The following RSU1 variants were observed in gnomAD, a reference collection of about 807,000 sequenced individuals.
RSU1 encodes the protein Ras suppressor protein 1.
Under a neutral mutation model 31.1 loss-of-function variants are expected in RSU1, and 26 were observed. That is an observed-to-expected ratio of 0.84 (90% CI 0.61 to 1.16). The LOEUF (loss-of-function observed/expected upper bound fraction) is 1.16, where lower values mean the gene tolerates loss of function less well. RSU1 is among the 50% of genes most tolerant of loss of function. RSU1 has a pLI of 0.00. For missense variants in RSU1, 320 were observed against 339.1 expected, an observed-to-expected ratio of 0.94 and a Z score of 0.44; for synonymous variants, 164 against 136.3, an observed-to-expected ratio of 1.20 and a Z score of -1.41.
rs181641682 is a variant in RSU1, at chr10:16,795,409, G to A, written c.110-13325C>T. ...AATAAGGTAATAACAAACAACAATA[G>A]CTAATGCTTACCAAATGCTTAAAAC... is the stretch of plus-strand genomic sequence containing the variant. On this transcript the variant is annotated intron_variant, in intron 2 of 8. Transcript: ENST00000345264. Among the ~76,000 whole-genome samples, 337 of 146,316 alleles carry A rather than the reference G, an allele frequency of 2.3e-3. 1 individual carries two copies. Among genetic ancestry groups the A allele is most frequent in the Non-Finnish European group, 3.4e-3 (227 of 66,154 alleles).
chr10:16,612,413 G>A (rs933890709), intron 8 of RSU1, among the ~76,000 whole-genome samples: 19 of 152,164 alleles, frequency 1.2e-4, no homozygotes, highest in African/African-American at 4.1e-4. Context: ...CCAAGATTCT[G>A]CCTGGAGGAA....
At chr10:16,612,728 T>TG (rs933830641) in intron 8 of RSU1, among the ~76,000 whole-genome samples, 1 of 152,230 alleles carries the variant, frequency 6.6e-6, no homozygotes, top group African/African-American at 2.4e-5. Context: ...CAGGAGTACT[T>TG]GGGGAATTCA....
intron 7 of RSU1, among the ~76,000 whole-genome samples, chr10:16,699,100 A>C (rs1835736477): frequency 6.6e-6 from 1 of 152,238 alleles, no homozygotes; most frequent in South Asian, 2.1e-4. Context: ...CCCAGGTATA[A>C]TGTCCGTGGC....
chr10:16,654,814 TC>T, intron 8 of RSU1, among the ~76,000 whole-genome samples: 1 of 151,900 alleles, frequency 6.6e-6, no homozygotes. Context: ...ATCCGAGCGC[TC>T]CTGGAAGCCA....
chr10:16,693,773 G>C (rs1835615711), intron 8 of RSU1, among the ~76,000 whole-genome samples: 1 of 152,054 alleles, frequency 6.6e-6, no homozygotes, highest in African/African-American at 2.4e-5. Flanking sequence ...GAAATGGAAG[G>C]ATTGCCTCAG....
At position 16,637,352 on chromosome 10, in the gene RSU1, T is replaced by C. The variant is rs1450252153; in HGVS notation, c.732-43856A>G. On this transcript the variant is annotated intron_variant, in intron 8 of 8. Transcript: ENST00000345264. ...ATGGGGTTTACGCAGGGGCCTGCCA[T>C]CTACCAACCTGTGCAGCGGGGAATC... Among the ~76,000 whole-genome samples the C allele has an allele frequency of 3.3e-5, 5 of 152,312 alleles. No homozygotes were observed. In the East Asian group the frequency reaches 9.6e-4, roughly 29 times the overall value.
intron 7 of RSU1, among the ~76,000 whole-genome samples, chr10:16,711,418 C>G (rs900615636): frequency 2.0e-5 from 3 of 152,088 alleles, no homozygotes; most frequent in Middle Eastern, 3.4e-3. Context: ...TCTACCTTTC[C>G]TTCTATCAAT....
chr10:16,695,024 A>G lies in RSU1; in HGVS notation c.730T>C (p.Tyr244His). The G allele has an allele frequency of 1.2e-6, 2 of 1,609,412 alleles. No individual in the cohort carries two copies. The highest frequency in any genetic ancestry group is 1.7e-6 in the Non-Finnish European group (2 of 1,178,070). The change falls in exon 8 of 9, where the codon TAC (tyrosine) becomes CAC (histidine). Residue 244 changes from tyrosine to histidine, a missense_variant and splice_region_variant. Tyr to His is a moderately conservative substitution (Grantham distance 83). Coordinates refer to ENST00000345264, the MANE Select transcript of RSU1 (RefSeq NM_012425.4). Reference sequence around the variant, plus strand: ...TTCAGAAAATCAGAGTCTACTTACTATTTGTATGTCTCAGAACGGATATAC... The same window carrying G: ...TTCAGAAAATCAGAGTCTACTTACTGTTTGTATGTCTCAGAACGGATATAC... ...FEYIRSETYK[Y>H]LYGRHMQANP...
chr10:16,638,544 G>GA (rs1432981804), intron 8 of RSU1, among the ~76,000 whole-genome samples: 1 of 152,180 alleles, frequency 6.6e-6, no homozygotes, highest in African/African-American at 2.4e-5. Flanking sequence ...AAGGACAGGG[G>GA]CCCCAAGGTG....
intron 8 of RSU1, among the ~76,000 whole-genome samples, chr10:16,651,273 T>C (rs944944884): frequency 2.6e-4 from 39 of 152,308 alleles, no homozygotes; most frequent in African/African-American, 9.1e-4. Context: ...GGTTAAAAGG[T>C]GTTCTGTGTT....
chr10:16,751,151 G>A (rs1367139655), intron 7 of RSU1, among the ~76,000 whole-genome samples: 3 of 152,060 alleles, frequency 2.0e-5, no homozygotes, highest in Non-Finnish European at 4.4e-5. Flanking sequence ...ACAACTGGGA[G>A]CCACCGTGCC....
At chr10:16,625,490 G>A (rs1415286967) in intron 8 of RSU1, among the ~76,000 whole-genome samples, 3 of 152,150 alleles carry the variant, frequency 2.0e-5, no homozygotes, top group East Asian at 3.8e-4. Context: ...GGTCCCCAGT[G>A]CGTTCTGATC....
At chr10:16,698,021 C>CTTTTTTTTTTTTTTTTTTTT (rs1588721778) in intron 7 of RSU1, among the ~76,000 whole-genome samples, 4 of 67,918 alleles carry the variant, frequency 5.9e-5, no homozygotes, top group African/African-American at 1.4e-4. Flanking sequence ...TTTTTTTTTA[C>CTTTTTTTTTTTTTTTTTTTT]TTTGGGAAGA....
intron 7 of RSU1, among the ~76,000 whole-genome samples, chr10:16,711,443 G>C (rs1010577950): frequency 1.3e-5 from 2 of 152,014 alleles, no homozygotes; most frequent in African/African-American, 4.8e-5. Flanking sequence ...GGTTCAGTTT[G>C]TTCTTGTTTT....
rs1050861142 is a variant in RSU1, at chr10:16,593,331, CAAGAGAGAATGAAGTGTTG to C, written c.*44_*62del. ...CATTGGGTTTATTTGAGAGACAGGG[CAAGAGAGAATGAAGTGTTG>C]GAGAGAGAAGGTGCTGGAAGGCCAG... On this transcript the variant is annotated 3_prime_UTR_variant, in exon 9 of 9. Coordinates refer to ENST00000345264, the MANE Select transcript of RSU1 (RefSeq NM_012425.4). 9.3e-6 allele frequency: 15 copies of C among 1,611,090 alleles called. No individual in the cohort carries two copies. Among genetic ancestry groups the C allele is most frequent in the Non-Finnish European group, 1.2e-5 (14 of 1,178,378 alleles).
At chr10:16,703,008 AG>A (rs1835825884) in intron 7 of RSU1, among the ~76,000 whole-genome samples, 1 of 152,172 alleles carries the variant, frequency 6.6e-6, no homozygotes, top group African/African-American at 2.4e-5. Flanking sequence ...GTGCTGTTCT[AG>A]TGACAGCGAG....
chr10:16,754,731 A>C, intron 5 of RSU1, 140 bp downstream of exon 5: 1 of 631,692 alleles, frequency 1.6e-6, no homozygotes, highest in South Asian at 1.9e-5. Flanking sequence ...GCTACGAAGG[A>C]ATATTCAAAA....
At chr10:16,650,878 G>A (rs908358795) in intron 8 of RSU1, among the ~76,000 whole-genome samples, 6 of 152,076 alleles carry the variant, frequency 3.9e-5, no homozygotes, top group Admixed American at 6.6e-5. Flanking sequence ...ACTGCACCTG[G>A]CTGAAAAACT....
chr10:16,705,071 T>G (rs1835868373), intron 7 of RSU1, among the ~76,000 whole-genome samples: 1 of 152,236 alleles, frequency 6.6e-6, no homozygotes, highest in South Asian at 2.1e-4. Flanking sequence ...ATTCCGCTTA[T>G]CTCTGTGATT....
Sources: gnomAD v4.1 joint callset for allele counts (sites outside exome capture counted in the v4.1 genomes callset) on GRCh38, gnomAD v4.1.1 for gene constraint, MANE v1.5 for transcripts, NCBI Gene and HGNC (gene_info 2026-07-23, HGNC 2026-07-21) for gene names.